NANOS3: variants seen among roughly 807,000 people sequenced by gnomAD.
The protein encoded by NANOS3 is nanos homolog 3.
In NANOS3, 11 loss-of-function variants were observed where a neutral mutation model predicts 13.8. That is an observed-to-expected ratio of 0.80 (90% CI 0.50 to 1.32). The LOEUF is 1.32. Among genes scored for constraint, NANOS3 ranks in the 40% most tolerant of loss-of-function variants. The probability of loss-of-function intolerance (pLI) is 0.00; values close to 1 mark genes in which losing one functional copy is unlikely to be tolerated. For synonymous variants in NANOS3, 119 were observed against 115.4 expected (o/e 1.03, Z -0.20); for missense variants, 221 against 263.8 (o/e 0.84, Z 1.12).
At chr19:13,870,902 C>G (rs1311182366) in intron 1 of NANOS3, among the ~76,000 whole-genome samples, 1 of 151,694 alleles carries the variant, frequency 6.6e-6, no homozygotes, top group Non-Finnish European at 1.5e-5. Flanking sequence ...TTTAGAGGGC[C>G]GTCCCCCACA....
In NANOS3 at chr19:13,868,566, A is replaced by G. The variant is rs1328276228; in HGVS notation, n.21+3129A>G. On this transcript the variant is annotated intron_variant and non_coding_transcript_variant, in intron 1 of 2. Transcript: ENST00000591161. ...CGTGGTGGTGTGCGCCTATAGTCTC[A>G]GGTACTAGGGAGGCTGAGGCGGGAG... 4.6e-5 allele frequency among the ~76,000 whole-genome samples: 7 copies of G among 151,916 alleles called. No individual in the cohort carries two copies. In the East Asian group the frequency reaches 1.4e-3, roughly 30 times the overall value.
At chr19:13,876,306 TTTTGTGTGTG>T (rs934950495), upstream of NANOS3, among the ~76,000 whole-genome samples, 7 of 121,164 alleles carry the variant, frequency 5.8e-5, no homozygotes, top group African/African-American at 3.3e-4. Context: ...GCCCAGCTAA[TTTTGTGTGTG>T]TGTGTGTGTG....
chr19:13,871,944 A>C (rs1976333840), intron 1 of NANOS3, among the ~76,000 whole-genome samples: 1 of 152,118 alleles, frequency 6.6e-6, no homozygotes, highest in Admixed American at 6.6e-5. Flanking sequence ...GGCTGCAGTG[A>C]GCTGTGATTG....
chr19:13,874,520 C>G (rs1453421147), upstream of NANOS3, among the ~76,000 whole-genome samples: 1 of 152,180 alleles, frequency 6.6e-6, no homozygotes, highest in Non-Finnish European at 1.5e-5. Context: ...ATAGCAAAGG[C>G]TACATTTTAT....
intron 1 of NANOS3, 74 bp downstream of exon 1, chr19:13,877,839 C>A: frequency 6.8e-7 from 1 of 1,479,278 alleles, no homozygotes; most frequent in Non-Finnish European, 8.9e-7. Flanking sequence ...AAGATTAGCC[C>A]CAGTACCCAC....
chr19:13,874,698 C>T (rs1968473032), upstream of NANOS3: 1 of 530,900 alleles, frequency 1.9e-6, no homozygotes, highest in African/African-American at 1.9e-5. Flanking sequence ...ACTCCAGGTC[C>T]CGGAAAATTT....
In NANOS3 at chr19:13,868,747, T is replaced by TG. The variant is rs1237818192; in HGVS notation, n.21+3317dup. Reference sequence around the variant, plus strand: ...CCTGACATTTTAGTGGGGAATGGGATGGGGGGGACACCATGACTGGATGAT... The same window carrying TG: ...CCTGACATTTTAGTGGGGAATGGGATGGGGGGGGACACCATGACTGGATGAT... On this transcript the variant is annotated intron_variant and non_coding_transcript_variant, in intron 1 of 2. Coordinates refer to the NANOS3 transcript ENST00000591161. Among the ~76,000 whole-genome samples the TG allele has an allele frequency of 7.3e-5, 11 of 150,690 alleles. No homozygotes were observed. In the East Asian group the frequency reaches 7.8e-4, roughly 11 times the overall value.
chr19:13,865,616 G>C (rs1976224515), intron 1 of NANOS3, among the ~76,000 whole-genome samples: 1 of 149,854 alleles, frequency 6.7e-6, no homozygotes, highest in Admixed American at 6.6e-5. Context: ...GGGCTTGGAA[G>C]GGGGGCGGGG....
intron 1 of NANOS3, among the ~76,000 whole-genome samples, chr19:13,867,024 A>G (rs1367284155): frequency 2.0e-5 from 3 of 152,150 alleles, no homozygotes; most frequent in Non-Finnish European, 4.4e-5. Context: ...ATGCCGTGGC[A>G]CGATCTCCCG....
intron 1 of NANOS3, among the ~76,000 whole-genome samples, chr19:13,867,804 C>T (rs375447920): frequency 9.9e-5 from 15 of 152,208 alleles, no homozygotes; most frequent in African/African-American, 3.6e-4. Context: ...TCTTAGCCAC[C>T]CACAAAGACA....
upstream of NANOS3, among the ~76,000 whole-genome samples, chr19:13,863,179 C>T (rs543928885): frequency 1.3e-5 from 2 of 151,980 alleles, no homozygotes; most frequent in South Asian, 2.1e-4. Context: ...ACCCCTTCCG[C>T]CTCTTTTTCT....
chr19:13,880,351 C>A (rs1968608160), intron 1 of NANOS3, 91 bp from the exon 2 acceptor site: 2 of 1,233,432 alleles, frequency 1.6e-6, no homozygotes, highest in Non-Finnish European at 1.2e-6. Flanking sequence ...GCCAGAGGTC[C>A]AGCAGGCCCG....
intron 1 of NANOS3, among the ~76,000 whole-genome samples, chr19:13,878,064 A>G (rs981341356): frequency 1.3e-5 from 2 of 151,286 alleles, no homozygotes; most frequent in African/African-American, 4.9e-5. Flanking sequence ...GCGCGCCACC[A>G]CACCCGGCTA....
chr19:13,880,394 T>G, intron 1 of NANOS3, 48 bp from the exon 2 acceptor site: 4 of 1,580,502 alleles, frequency 2.5e-6, no homozygotes, highest in Non-Finnish European at 3.5e-6. Flanking sequence ...TGGGGAGCGT[T>G]GAGTCATCGC....
chr19:13,865,552 G>T (rs1254987315), intron 1 of NANOS3: 1 of 146,330 alleles, frequency 6.8e-6, no homozygotes, highest in African/African-American at 2.5e-5. Context: ...GCACCTGCTC[G>T]CAGCCCCGGG....
Position 13,877,158 on chromosome 19 carries a change from G to C in NANOS3, c.-91G>C. ...CAGGCTCCAGAGAGGGGAAGGAAGGGGCAGCAGAGAGGGGTCAGAAGGAGG... is the reference window on the plus strand; with the variant it reads ...CAGGCTCCAGAGAGGGGAAGGAAGGCGCAGCAGAGAGGGGTCAGAAGGAGG... On this transcript the variant is annotated 5_prime_UTR_variant, in exon 1 of 2. Transcript: ENST00000339133. 9.2e-7 allele frequency: 1 copy of C among 1,089,980 alleles called. No homozygotes were observed. The allele number at this position is 1,089,980 out of a possible 1,614,324, so 67.5% of individuals were successfully genotyped here.
At chr19:13,871,439 A>C (rs537006798) in intron 1 of NANOS3, among the ~76,000 whole-genome samples, 49 of 152,306 alleles carry the variant, frequency 3.2e-4, no homozygotes, top group African/African-American at 1.2e-3. Context: ...AGTCAGACCC[A>C]GGATTGGGGC....
chr19:13,862,807 G>T (rs997916770), upstream of NANOS3, among the ~76,000 whole-genome samples: 1 of 152,226 alleles, frequency 6.6e-6, no homozygotes, highest in Admixed American at 6.5e-5. Flanking sequence ...AAAATGCTGT[G>T]ATTACAGGTG....
chr19:13,865,662 G>C (rs1439784497), intron 1 of NANOS3, among the ~76,000 whole-genome samples: 1 of 150,874 alleles, frequency 6.6e-6, no homozygotes, highest in Non-Finnish European at 1.5e-5. Flanking sequence ...CGCCTTTCCG[G>C]AGAGGGGGCG....
Sources: allele counts gnomAD v4.1 joint callset (sites outside exome capture counted in the v4.1 genomes callset), GRCh38; gene constraint gnomAD v4.1.1; transcripts MANE v1.5; gene names NCBI Gene and HGNC (gene_info 2026-07-23, HGNC 2026-07-21).